Variants in ADRA1B observed in about 807,000 individuals in gnomAD.
ADRA1B encodes the protein alpha-1B adrenergic receptor.
ADRA1B carries 17 observed loss-of-function variants against 17.9 expected under a neutral mutation model. That is an observed-to-expected ratio of 0.95 (90% CI 0.65 to 1.42). ADRA1B has a LOEUF of 1.42. Ranked by LOEUF, ADRA1B falls within the 40% of genes most tolerant of loss-of-function variation. ADRA1B has a pLI of 0.00. For synonymous variants in ADRA1B, 366 were observed against 327.6 expected (o/e 1.12, Z -1.27); for missense variants, 681 against 722.1 (o/e 0.94, Z 0.65).
At chr5:159,905,866 T>TC (rs1754156866) in intron 1 of ADRA1B, among the ~76,000 whole-genome samples, 1 of 151,768 alleles carries the variant, frequency 6.6e-6, no homozygotes, top group Non-Finnish European at 1.5e-5. Flanking sequence ...ATGCCATTTT[T>TC]TTTTTTTTGA....
At chr5:159,879,118 A>G (rs1223175848) in intron 1 of ADRA1B, among the ~76,000 whole-genome samples, 6 of 152,122 alleles carry the variant, frequency 3.9e-5, no homozygotes, top group Admixed American at 2.0e-4. Flanking sequence ...GGACCAACGG[A>G]TTAGACTGTA....
chr5:159,881,299 T>TTCTCTCTCTCTCTCTCTCTC (rs11471058), intron 1 of ADRA1B, among the ~76,000 whole-genome samples: 3 of 131,982 alleles, frequency 2.3e-5, no homozygotes, highest in African/African-American at 2.9e-5. Flanking sequence ...TATCAGAAAG[T>TTCTCTCTCTCTCTCTCTCTC]TCTCTCTCTC....
downstream of ADRA1B, among the ~76,000 whole-genome samples, chr5:159,975,178 C>G (rs1332217013): frequency 6.6e-6 from 1 of 152,206 alleles, no homozygotes; most frequent in Non-Finnish European, 1.5e-5. Context: ...ACGCAGAAAT[C>G]TGATATAAGA....
intron 1 of ADRA1B, among the ~76,000 whole-genome samples, chr5:159,939,318 T>TGC (rs1370884383): frequency 1.0e-5 from 1 of 98,204 alleles, no homozygotes; most frequent in Admixed American, 1.0e-4. Flanking sequence ...TGTGTGTGTG[T>TGC]GTGTGCGCGC....
intron 1 of ADRA1B, among the ~76,000 whole-genome samples, chr5:159,940,965 G>A (rs142436748): frequency 1.7e-3 from 266 of 152,288 alleles, no homozygotes; most frequent in African/African-American, 6.1e-3. Flanking sequence ...CTGATTTAAC[G>A]CATCACAATC....
intron 1 of ADRA1B, among the ~76,000 whole-genome samples, chr5:159,952,377 G>A (rs562920917): frequency 6.6e-5 from 10 of 152,192 alleles, no homozygotes; most frequent in South Asian, 2.1e-4. Flanking sequence ...GGTCTCACTC[G>A]CTCTCTCAAA....
intron 1 of ADRA1B, among the ~76,000 whole-genome samples, chr5:159,888,993 C>T (rs1581020841): frequency 1.3e-5 from 2 of 152,208 alleles, no homozygotes; most frequent in African/African-American, 4.8e-5. Flanking sequence ...ATCCAAGCTC[C>T]AAGCTAGTAC....
chr5:159,950,509 A>C (rs112100580), intron 1 of ADRA1B: 6 of 1,511,394 alleles, frequency 4.0e-6, no homozygotes, highest in Admixed American at 3.4e-5. Flanking sequence ...CTTGGAGGCT[A>C]TGTGGGCCAT....
At chr5:159,934,222 C>T (rs775988627) in intron 1 of ADRA1B, among the ~76,000 whole-genome samples, 10 of 152,154 alleles carry the variant, frequency 6.6e-5, no homozygotes, top group Non-Finnish European at 1.3e-4. Flanking sequence ...GCTGGGTTAT[C>T]TTTAAACTGT....
intron 1 of ADRA1B, among the ~76,000 whole-genome samples, chr5:159,923,056 G>C (rs1286569675): frequency 6.6e-6 from 1 of 152,280 alleles, no homozygotes; most frequent in African/African-American, 2.4e-5. Flanking sequence ...GGCTGATAGA[G>C]GAAGAAAAGT....
chr5:159,978,941 T>TAA, the ADRA1B span, among the ~76,000 whole-genome samples: 1 of 152,334 alleles, frequency 6.6e-6, no homozygotes, highest in South Asian at 2.1e-4. Context: ...AAGCTATTCT[T>TAA]AAACACCTAC....
At chr5:159,919,689 T>C (rs993003663) in intron 1 of ADRA1B, among the ~76,000 whole-genome samples, 1 of 152,248 alleles carries the variant, frequency 6.6e-6, no homozygotes, top group African/African-American at 2.4e-5. Flanking sequence ...TGGAAGAGAA[T>C]TGAGTCTTTC....
chr5:159,874,718 G>T (rs1324955416), intron 1 of ADRA1B, among the ~76,000 whole-genome samples: 1 of 152,184 alleles, frequency 6.6e-6, no homozygotes, highest in African/African-American at 2.4e-5. Context: ...ACCTGTGTGG[G>T]TCATGCAGGG....
intron 1 of ADRA1B, among the ~76,000 whole-genome samples, chr5:159,906,885 A>C (rs1398386225): frequency 2.6e-5 from 4 of 152,174 alleles, no homozygotes; most frequent in Non-Finnish European, 5.9e-5. Context: ...CCTGGGATTT[A>C]ATTGAAAATA....
the ADRA1B span, among the ~76,000 whole-genome samples, chr5:159,987,486 C>T: frequency 6.6e-5 from 10 of 152,156 alleles, no homozygotes; most frequent in African/African-American, 2.4e-4. Context: ...CGCTCCACGC[C>T]CCTTTCCCCT....
chr5:159,917,680 A>T lies in ADRA1B; in HGVS notation c.775A>T (p.Asn259Tyr). Residue 259 changes from asparagine to tyrosine, a missense_variant, in exon 1 of 2, where the codon AAC (asparagine) becomes TAC (tyrosine). Physicochemically the swap from Asn to Tyr is moderately radical, Grantham distance 143 (BLOSUM62 -2). This residue lies in a region of ADRA1B where 424 missense variants were observed against 480.2 expected (regional missense o/e 0.88). Coordinates refer to ENST00000306675, the MANE Select transcript of ADRA1B (RefSeq NM_000679.4). ...GCTGACCCTGAGGATCCATTCCAAG[A>T]ACTTTCACGAGGACACCCTTAGCAG... ...KELTLRIHSK[N>Y]FHEDTLSSTK... The T allele has an allele frequency of 6.2e-7, 1 of 1,614,046 alleles. No individual in the cohort carries two copies. Among genetic ancestry groups the T allele is most frequent in the Non-Finnish European group, 8.5e-7 (1 of 1,180,014 alleles).
chr5:159,906,143 C>T (rs116505950), intron 1 of ADRA1B, among the ~76,000 whole-genome samples: 5,182 of 152,266 alleles, frequency 0.034, 91 homozygotes, highest in Middle Eastern at 0.071. Flanking sequence ...GGGTAAGCCA[C>T]CGCACCAACC....
At chr5:159,865,641 A>G (rs1444143334) in intron 1 of ADRA1B, among the ~76,000 whole-genome samples, 1 of 152,230 alleles carries the variant, frequency 6.6e-6, no homozygotes, top group Non-Finnish European at 1.5e-5. Context: ...CATTTTTGGA[A>G]ATGATTCAAA....
downstream of ADRA1B, among the ~76,000 whole-genome samples, chr5:159,975,257 C>A (rs576488206): frequency 9.2e-5 from 14 of 152,318 alleles, no homozygotes; most frequent in Admixed American, 2.0e-4. Context: ...GACACTTGCT[C>A]TGGCCTGCCC....
Sources: allele counts gnomAD v4.1 joint callset (sites outside exome capture counted in the v4.1 genomes callset), GRCh38; gene constraint gnomAD v4.1.1; regional missense constraint gnomAD v4.1.1; transcripts MANE v1.5; gene names NCBI Gene and HGNC (gene_info 2026-07-23, HGNC 2026-07-21).